Variants in PLA2R1 observed in about 807,000 individuals in gnomAD.
PLA2R1 encodes phospholipase A2 receptor 1.
A neutral mutation model predicts 195.9 loss-of-function variants in PLA2R1; 158 were observed. That is an observed-to-expected ratio of 0.81 (90% CI 0.71 to 0.92). The LOEUF (loss-of-function observed/expected upper bound fraction) is 0.92, where lower values mean the gene tolerates loss of function less well. PLA2R1 is among the 40% of genes least tolerant of loss of function. The probability of loss-of-function intolerance (pLI) is 0.00; values close to 1 mark genes in which losing one functional copy is unlikely to be tolerated. For synonymous variants in PLA2R1, 586 were observed against 598.2 expected, an observed-to-expected ratio of 0.98 and a Z score of 0.30; for missense variants, 1,626 against 1,764.6, an observed-to-expected ratio of 0.92 and a Z score of 1.41.
At chr2:159,967,769 G>T in intron 19 of PLA2R1, 91 bp from the exon 20 acceptor site, 3 of 1,025,670 alleles carry the variant, frequency 2.9e-6, no homozygotes, top group African/African-American at 1.6e-5. Flanking sequence ...TGAGGCTATG[G>T]TTTTTCATAA....
chr2:159,987,665 C>T (rs1202194752), intron 11 of PLA2R1, among the ~76,000 whole-genome samples: 1 of 152,064 alleles, frequency 6.6e-6, no homozygotes, highest in South Asian at 2.1e-4. Flanking sequence ...CCAAAATATC[C>T]CCCATATTTC....
chr2:160,029,470 C>T (rs757594280), intron 4 of PLA2R1, among the ~76,000 whole-genome samples: 5 of 152,092 alleles, frequency 3.3e-5, no homozygotes, highest in Admixed American at 3.3e-4. Flanking sequence ...CAGGTTGGGA[C>T]CTAAGGCTGT....
intron 20 of PLA2R1, among the ~76,000 whole-genome samples, chr2:159,957,118 G>C (rs1048586900): frequency 6.6e-6 from 1 of 152,136 alleles, no homozygotes; most frequent in African/African-American, 2.4e-5. Flanking sequence ...AAATACTTGA[G>C]TCAGCCATTT....
chr2:160,023,085 G>T (rs1303008972), intron 6 of PLA2R1, among the ~76,000 whole-genome samples: 1 of 152,044 alleles, frequency 6.6e-6, no homozygotes, highest in South Asian at 2.1e-4. Flanking sequence ...TTCATTTTCC[G>T]GATGAGCTAG....
chr2:159,944,892 C>T lies in PLA2R1; in HGVS notation c.4144+14G>A. The T allele has an allele frequency of 6.3e-7, 1 of 1,596,288 alleles. No homozygotes were observed. Among genetic ancestry groups the T allele is most frequent in the Non-Finnish European group, 8.6e-7 (1 of 1,164,776 alleles). ...TAGAATCAAAATGAAGAATTACTCT[C>T]TGACTTTACCTACCTGCCTCCATTT... On this transcript the variant is annotated intron_variant, in intron 28 of 29. Transcript: ENST00000283243.
At chr2:159,968,296 T>C (rs1688920442) in intron 19 of PLA2R1, among the ~76,000 whole-genome samples, 1 of 152,062 alleles carries the variant, frequency 6.6e-6, no homozygotes, top group Non-Finnish European at 1.5e-5. Flanking sequence ...ATGCATTTTA[T>C]TGGCATCCAA....
chr2:159,948,552 T>G (rs1293264779), intron 25 of PLA2R1, among the ~76,000 whole-genome samples: 3 of 151,124 alleles, frequency 2.0e-5, no homozygotes, highest in Non-Finnish European at 4.4e-5. Context: ...AGTTGAGAAG[T>G]TTCAATGAGT....
intron 3 of PLA2R1, among the ~76,000 whole-genome samples, chr2:160,035,437 C>A (rs866109112): frequency 7.2e-5 from 11 of 152,304 alleles, no homozygotes; most frequent in Middle Eastern, 6.8e-3. Context: ...TGTATCCCAA[C>A]AAGGGGCAAC....
chr2:159,955,236 T>C lies in PLA2R1; in HGVS notation c.3264A>G (p.Gly1088=), dbSNP rs1688009043. Residue 1088 remains glycine, a synonymous_variant, in exon 23 of 30, where the codon GGA becomes GGG. Transcript: ENST00000283243. ...FTGKWYFEDC[G]KEGYGFVCEK... ...CACAAACAAACCCATAGCCTTCCTT[T>C]CCACAGTCTTCAAAATACCATTTTC... 2 of 1,611,582 alleles carry C rather than the reference T, an allele frequency of 1.2e-6. No individual in the cohort carries two copies. The highest frequency in any genetic ancestry group is 1.1e-5 in the South Asian group (1 of 90,652).
chr2:160,048,682 T>C (rs528206424), intron 1 of PLA2R1, among the ~76,000 whole-genome samples: 1 of 152,322 alleles, frequency 6.6e-6, no homozygotes. Context: ...AGATTGATTA[T>C]ACATGTCAAG....
At chr2:159,927,944 CTG>C (rs1330095968), downstream of PLA2R1, among the ~76,000 whole-genome samples, 5 of 152,214 alleles carry the variant, frequency 3.3e-5, no homozygotes, top group Non-Finnish European at 7.3e-5. Flanking sequence ...ATCTGTAAAA[CTG>C]TGCTTAAAAC....
Position 159,936,543 on chromosome 2 carries a change from G to T in PLA2R1, c.*5235C>A, listed in dbSNP as rs551268913. Reference sequence around the variant, plus strand: ...TTCTTTTTTTGTAGCTATACATGTTGAGAAACTCTGGTAGCAATTGCTGGT... The same window carrying T: ...TTCTTTTTTTGTAGCTATACATGTTTAGAAACTCTGGTAGCAATTGCTGGT... On this transcript the variant is annotated 3_prime_UTR_variant, in exon 30 of 30. Transcript: ENST00000283243. 1 of 152,164 alleles carries T rather than the reference G, an allele frequency of 6.6e-6. No homozygotes were observed. Among genetic ancestry groups the T allele is most frequent in the African/African-American group, 2.4e-5 (1 of 41,420 alleles). 9.4% of individuals were successfully genotyped at this position (152,164 alleles called of 1,614,324 possible).
rs1465568059 is a variant in PLA2R1, at chr2:160,020,266, G to A, written c.1295-3C>T. ...AATCCATGTTTCTGATGCATTTTCTGTAAGAGATAAATGTAAATTACTTAT... is the reference window on the plus strand; with the variant it reads ...AATCCATGTTTCTGATGCATTTTCTATAAGAGATAAATGTAAATTACTTAT... On this transcript the variant is annotated splice_polypyrimidine_tract_variant and splice_region_variant and intron_variant, in intron 7 of 29. Transcript: ENST00000283243. 1.2e-6 allele frequency: 2 copies of A among 1,603,800 alleles called. No individual in the cohort carries two copies. Among genetic ancestry groups the A allele is most frequent in the African/African-American group, 1.3e-5 (1 of 74,548 alleles).
rs1686705372 is a variant in PLA2R1 at position 159,934,234 on chromosome 2, T to G, written c.*7544A>C. ...TTTCCCTGCTGTACCCTATTAATAC[T>G]AAGGCACGAGGTTGTAGGGGATAGC... On this transcript the variant is annotated 3_prime_UTR_variant, in exon 30 of 30. Transcript: ENST00000283243. The G allele has an allele frequency of 6.6e-6, 1 of 152,158 alleles. No homozygotes were observed. Among genetic ancestry groups the G allele is most frequent in the Non-Finnish European group, 1.5e-5 (1 of 68,034 alleles). 9.4% of individuals were successfully genotyped at this position (152,158 alleles called of 1,614,324 possible).
rs1330672600 is a variant in PLA2R1, at chr2:159,936,550, T to A, written c.*5228A>T. The A allele has an allele frequency of 6.6e-6, 1 of 152,226 alleles. No homozygotes were observed. Among genetic ancestry groups the A allele is most frequent in the Non-Finnish European group, 1.5e-5 (1 of 68,044 alleles). The allele number at this position is 152,226 out of a possible 1,614,324, so 9.4% of individuals were successfully genotyped here. A position where few individuals can be genotyped will look rare whatever the true frequency, so the allele number is the denominator to read the frequency against. On this transcript the variant is annotated 3_prime_UTR_variant, in exon 30 of 30. Coordinates refer to ENST00000283243, the MANE Select transcript of PLA2R1 (RefSeq NM_007366.5). ...TTTGTAGCTATACATGTTGAGAAAC[T>A]CTGGTAGCAATTGCTGGTGCTGTCT...
In PLA2R1 at chr2:159,941,848, G is replaced by T; in HGVS notation, c.4322C>A (p.Ala1441Glu). The change falls in exon 30 of 30, where the codon GCA becomes GAA. Residue 1441 changes from alanine to glutamate, a missense_variant. Transcript: ENST00000283243. Reference protein sequence around the residue: ...LAGFRNPYYPATNFSTVYLEE... With the variant: ...LAGFRNPYYPETNFSTVYLEE... ...TAAATATACTGTACTAAAGTTGGTT[G>T]CAGGATAGTAAGGATTCCGAAACCC... 6.2e-7 allele frequency: 1 copy of T among 1,612,800 alleles called. No homozygotes were observed. Among genetic ancestry groups the T allele is most frequent in the South Asian group, 1.1e-5 (1 of 91,052 alleles).
intron 11 of PLA2R1, among the ~76,000 whole-genome samples, chr2:159,996,980 T>C (rs1162835083): frequency 1.3e-5 from 2 of 152,176 alleles, no homozygotes; most frequent in Non-Finnish European, 2.9e-5. Flanking sequence ...AATCATAGTT[T>C]AAAAGAATTG....
intron 10 of PLA2R1, among the ~76,000 whole-genome samples, chr2:160,007,527 G>T (rs1237877549): frequency 1.3e-5 from 2 of 152,224 alleles, no homozygotes; most frequent in Admixed American, 1.3e-4. Context: ...AGAGCACACC[G>T]ACAGGCACTG....
rs1573984292 is a variant in PLA2R1, at chr2:160,053,235, T to G, written c.110-8078A>C. Reference sequence around the variant, plus strand: ...TTTCTGTGTCCAAGTTTCCCCTTCTTATGAGTATACCAGTCATAATAGACT... The same window carrying G: ...TTTCTGTGTCCAAGTTTCCCCTTCTGATGAGTATACCAGTCATAATAGACT... On this transcript the variant is annotated intron_variant, in intron 1 of 29. Coordinates refer to ENST00000283243, the MANE Select transcript of PLA2R1 (RefSeq NM_007366.5). Among the ~76,000 whole-genome samples the G allele has an allele frequency of 4.6e-5, 7 of 152,198 alleles. 1 individual carries two copies. The South Asian group carries it at 1.5e-3, about 32-fold the overall frequency.
Sources: allele counts gnomAD v4.1 joint callset (sites outside exome capture counted in the v4.1 genomes callset), GRCh38; gene constraint gnomAD v4.1.1; transcripts MANE v1.5; gene names NCBI Gene and HGNC (gene_info 2026-07-23, HGNC 2026-07-21).